CSMD1: variants seen among roughly 807,000 people sequenced by gnomAD.
CSMD1 encodes CUB and Sushi multiple domains 1.
A neutral mutation model predicts 417.5 loss-of-function variants in CSMD1; 213 were observed. The ratio of observed to expected loss-of-function variants is 0.51; its 90% confidence interval spans 0.46 to 0.57. The LOEUF (loss-of-function observed/expected upper bound fraction) is 0.57. Among genes scored for constraint, CSMD1 ranks in the 20% least tolerant of loss-of-function variants. The pLI, the probability that CSMD1 is intolerant of heterozygous loss-of-function variation, is 0.00. For synonymous variants in CSMD1, 2,862 were observed against 1,736.8 expected (o/e 1.65, Z -16.11); for missense variants, 6,923 against 4,529.7 (o/e 1.53, Z -15.17).
At chr8:4,265,052 C>T (rs1358641962) in intron 3 of CSMD1, among the ~76,000 whole-genome samples, 2 of 152,082 alleles carry the variant, frequency 1.3e-5, no homozygotes, top group Admixed American at 1.3e-4. Context: ...TCAGATTTGC[C>T]TTGATACAAA....
chr8:4,525,265 G>A (rs1184759917), intron 2 of CSMD1, among the ~76,000 whole-genome samples: 1 of 152,140 alleles, frequency 6.6e-6, no homozygotes, highest in Admixed American at 6.5e-5. Context: ...AGAGAGGAAA[G>A]GAAAGACAAC....
chr8:3,801,574 TG>T (rs1280451565), intron 5 of CSMD1, among the ~76,000 whole-genome samples: 3 of 152,104 alleles, frequency 2.0e-5, no homozygotes, highest in African/African-American at 7.2e-5. Flanking sequence ...ATTCCTCAAA[TG>T]GTTAAAATTA....
intron 25 of CSMD1, among the ~76,000 whole-genome samples, chr8:3,304,495 A>C (rs145206493): frequency 8.5e-5 from 13 of 152,274 alleles, no homozygotes; most frequent in African/African-American, 1.9e-4. Flanking sequence ...TCAATCATCA[A>C]AAACATTTTG....
chr8:3,292,505 G>A (rs140549960), intron 25 of CSMD1, among the ~76,000 whole-genome samples: 18 of 152,260 alleles, frequency 1.2e-4, no homozygotes, highest in East Asian at 5.8e-4. Flanking sequence ...AAGAATCTGC[G>A]TGCTCCTGTA....
intron 3 of CSMD1, among the ~76,000 whole-genome samples, chr8:4,242,077 C>A (rs1421146999): frequency 6.6e-6 from 1 of 152,096 alleles, no homozygotes; most frequent in African/African-American, 2.4e-5. Flanking sequence ...CCTTTATCAC[C>A]AGGCAGAATT....
rs1193385879 is a variant in CSMD1 at position 4,266,534 on chromosome 8, T to A, written c.415+153419A>T. The stretch of plus-strand genomic sequence containing the variant: ...TTTAAAAAGTAGAACAATTTCATAC[T>A]CATGCCTCATATCCTTCCTTCAGAA... On this transcript the variant is annotated intron_variant, in intron 3 of 69. Transcript: ENST00000635120. Among the ~76,000 whole-genome samples the A allele has an allele frequency of 7.6e-5, 8 of 104,936 alleles. 4 individuals carry two copies. Among genetic ancestry groups the A allele is most frequent in the Non-Finnish European group, 2.1e-4 (8 of 38,992 alleles). 68.8% of individuals were successfully genotyped at this position (104,936 alleles called of 152,430 possible). A position where few individuals can be genotyped will look rare whatever the true frequency, so the allele number is the denominator to read the frequency against.
chr8:4,823,718 A>C (rs1024453218), intron 1 of CSMD1, among the ~76,000 whole-genome samples: 5 of 152,056 alleles, frequency 3.3e-5, no homozygotes, highest in African/African-American at 1.2e-4. Flanking sequence ...TGCAATACAG[A>C]TACTACAGAA....
intron 1 of CSMD1, among the ~76,000 whole-genome samples, chr8:4,805,607 G>C (rs903554925): frequency 4.6e-5 from 7 of 152,182 alleles, no homozygotes; most frequent in African/African-American, 1.7e-4. Flanking sequence ...AACTGAGGAA[G>C]TGCTACATAC....
At chr8:4,383,289 A>G (rs897240648) in intron 3 of CSMD1, among the ~76,000 whole-genome samples, 4 of 152,322 alleles carry the variant, frequency 2.6e-5, no homozygotes, top group East Asian at 1.9e-4. Context: ...CAAGGGCAAG[A>G]TAAGAATGTT....
chr8:3,641,782 C>T (rs1010700606), intron 7 of CSMD1, among the ~76,000 whole-genome samples: 3 of 152,352 alleles, frequency 2.0e-5, no homozygotes, highest in East Asian at 1.9e-4. Flanking sequence ...TCACTACCTC[C>T]TGGTTCTCAA....
intron 5 of CSMD1, among the ~76,000 whole-genome samples, chr8:3,976,532 C>G (rs1307918886): frequency 1.3e-5 from 2 of 152,130 alleles, no homozygotes; most frequent in African/African-American, 4.8e-5. Context: ...AATATAATAT[C>G]ACAAGAGCCT....
chr8:4,430,620 C>A (rs1797821684), intron 2 of CSMD1, among the ~76,000 whole-genome samples: 6 of 152,066 alleles, frequency 3.9e-5, no homozygotes, highest in Admixed American at 3.9e-4. Context: ...AAGAATTCAA[C>A]TGATCCTCTT....
intron 3 of CSMD1, among the ~76,000 whole-genome samples, chr8:4,146,907 C>G (rs1000930150): frequency 2.1e-5 from 3 of 144,412 alleles, no homozygotes; most frequent in Admixed American, 2.0e-4. Flanking sequence ...GCCACCGCAC[C>G]GGCCAGACAC....
chr8:4,330,347 T>G (rs916897384), intron 3 of CSMD1, among the ~76,000 whole-genome samples: 17 of 151,620 alleles, frequency 1.1e-4, no homozygotes, highest in Middle Eastern at 6.8e-3. Flanking sequence ...GTAATCCCAG[T>G]GCTTTAGGAG....
chr8:4,125,685 T>C (rs114682804), intron 3 of CSMD1, among the ~76,000 whole-genome samples: 3,604 of 152,308 alleles, frequency 0.024, 156 homozygotes, highest in African/African-American at 0.082. Flanking sequence ...TCCTTGTTCA[T>C]TCCTGGGCAT....
At chr8:4,040,979 C>G (rs1045745155) in intron 3 of CSMD1, among the ~76,000 whole-genome samples, 6 of 150,058 alleles carry the variant, frequency 4.0e-5, no homozygotes, top group African/African-American at 1.5e-4. Flanking sequence ...TGAATCCTCA[C>G]GTGGTCCTAT....
intron 5 of CSMD1, among the ~76,000 whole-genome samples, chr8:3,938,724 G>A (rs1417536832): frequency 6.6e-6 from 1 of 152,164 alleles, no homozygotes; most frequent in Non-Finnish European, 1.5e-5. Context: ...CCAAACATAA[G>A]TTGTTTTCCT....
At chr8:3,610,012 G>A (rs1260159928) in intron 8 of CSMD1, among the ~76,000 whole-genome samples, 1 of 151,634 alleles carries the variant, frequency 6.6e-6, no homozygotes, top group African/African-American at 2.4e-5. Context: ...TTGTTGGCCA[G>A]GCTGGTCTCA....
intron 3 of CSMD1, among the ~76,000 whole-genome samples, chr8:4,223,060 G>A (rs1375681216): frequency 6.6e-6 from 1 of 152,016 alleles, no homozygotes; most frequent in Non-Finnish European, 1.5e-5. Context: ...ATTGGACATT[G>A]GAGAGCTGCC....
Sources: gnomAD v4.1 joint callset for allele counts (sites outside exome capture counted in the v4.1 genomes callset) on GRCh38, gnomAD v4.1.1 for gene constraint, MANE v1.5 for transcripts, NCBI Gene and HGNC (gene_info 2026-07-23, HGNC 2026-07-21) for gene names.